AOPEP: variants seen among roughly 807,000 people sequenced by gnomAD.
AOPEP encodes aminopeptidase O (putative), also known as aminopeptidase O.
A neutral mutation model predicts 98.1 loss-of-function variants in AOPEP; 77 were observed. The ratio of observed to expected loss-of-function variants is 0.78; its 90% CI spans 0.65 to 0.95. AOPEP has a LOEUF of 0.95. Ranked by LOEUF, AOPEP falls within the 40% of genes least tolerant of loss-of-function variation. The pLI, the probability that AOPEP is intolerant of heterozygous loss-of-function variation, is 0.00. For missense variants in AOPEP, 1,024 were observed against 1,024.7 expected, an observed-to-expected ratio of 1.00 and a Z score of 0.01; for synonymous variants, 346 against 365.3, an observed-to-expected ratio of 0.95 and a Z score of 0.60.
At chr9:94,843,409 ATTGACCTTT>A (rs2042504256) in intron 5 of AOPEP, among the ~76,000 whole-genome samples, 1 of 152,120 alleles carries the variant, frequency 6.6e-6, no homozygotes, top group African/African-American at 2.4e-5. Flanking sequence ...GTGTGTGCTT[ATTGACCTTT>A]TTGTACTTTA....
chr9:95,018,227 C>T (rs1412969315), intron 13 of AOPEP, among the ~76,000 whole-genome samples: 7 of 152,216 alleles, frequency 4.6e-5, no homozygotes. Context: ...TCCAAAGTAC[C>T]TGTACCATTT....
At chr9:94,731,790 C>CTTTTTTTTTTTTTTTT (rs564831468) in intron 1 of AOPEP, among the ~76,000 whole-genome samples, 1 of 86,290 alleles carries the variant, frequency 1.2e-5, no homozygotes, top group Non-Finnish European at 2.1e-5. Flanking sequence ...TCTCTTTTGC[C>CTTTTTTTTTTTTTTTT]TTTTTTTTTT....
At chr9:94,942,516 G>T (rs888332928) in intron 7 of AOPEP, among the ~76,000 whole-genome samples, 1 of 152,178 alleles carries the variant, frequency 6.6e-6, no homozygotes, top group African/African-American at 2.4e-5. Flanking sequence ...GTTGAGGACA[G>T]AAGGAATAAG....
intron 5 of AOPEP, among the ~76,000 whole-genome samples, chr9:94,820,226 G>T (rs1000391820): frequency 3.9e-5 from 6 of 152,108 alleles, no homozygotes; most frequent in African/African-American, 1.4e-4. Context: ...GATTACAGGT[G>T]TGAGCCACCG....
At chr9:94,897,052 A>G (rs1008627717) in intron 5 of AOPEP, among the ~76,000 whole-genome samples, 1 of 152,008 alleles carries the variant, frequency 6.6e-6, no homozygotes, top group Non-Finnish European at 1.5e-5. Flanking sequence ...TTCCCTGGTC[A>G]TGTACATGTA....
intron 1 of AOPEP, among the ~76,000 whole-genome samples, chr9:94,747,326 C>A (rs1157735567): frequency 6.6e-6 from 1 of 152,090 alleles, no homozygotes; most frequent in Non-Finnish European, 1.5e-5. Flanking sequence ...ATTATGTTAT[C>A]TTGCATTATT....
rs533199505 is a variant in AOPEP at position 94,886,194 on chromosome 9, C to T, written c.1365-37792C>T. Among the ~76,000 whole-genome samples the T allele has an allele frequency of 1.9e-3, 282 of 150,768 alleles. 2 individuals carry two copies. The highest frequency in any genetic ancestry group is 6.5e-3 in the African/African-American group (263 of 40,180). ...GCTAGCCCAAAGGAGAAGCAGAAGC[C>T]AGGGCATCTGTCAGGTGCTGGGCAG... On this transcript the variant is annotated intron_variant, in intron 5 of 16. Transcript: ENST00000375315.
At chr9:95,001,293 G>A (rs565635779) in intron 11 of AOPEP, among the ~76,000 whole-genome samples, 45 of 152,252 alleles carry the variant, frequency 3.0e-4, no homozygotes, top group Middle Eastern at 3.4e-3. Context: ...CCTCAGCCTC[G>A]GACGTTGTCT....
intron 1 of AOPEP, among the ~76,000 whole-genome samples, chr9:94,757,249 C>T (rs892302415): frequency 1.3e-4 from 20 of 152,304 alleles, no homozygotes; most frequent in African/African-American, 4.8e-4. Context: ...AGCAGGGGGC[C>T]AGATCATCAA....
chr9:95,005,100 G>A, intron 11 of AOPEP, 58 bp from the exon 12 acceptor site: 9 of 892,230 alleles, frequency 1.0e-5, no homozygotes, highest in East Asian at 6.6e-5. Flanking sequence ...GCGGGCGCGG[G>A]GCAGGGAGGC....
intron 14 of AOPEP, among the ~76,000 whole-genome samples, chr9:95,078,202 A>G (rs911651073): frequency 6.6e-6 from 1 of 152,138 alleles, no homozygotes; most frequent in African/African-American, 2.4e-5. Flanking sequence ...TCCGTGGTGA[A>G]AGAGCCTCTT....
At chr9:94,944,632 A>G (rs2057414553) in intron 7 of AOPEP, among the ~76,000 whole-genome samples, 3 of 152,150 alleles carry the variant, frequency 2.0e-5, no homozygotes. Flanking sequence ...TGGCACGATC[A>G]TGGCTCACTG....
chr9:94,876,866 C>A (rs1008858512), intron 5 of AOPEP, among the ~76,000 whole-genome samples: 2 of 152,132 alleles, frequency 1.3e-5, no homozygotes, highest in African/African-American at 4.8e-5. Context: ...TGGTTGAATG[C>A]ATATATTGTT....
At chr9:95,098,070 T>G in the AOPEP span, among the ~76,000 whole-genome samples, 2 of 152,128 alleles carry the variant, frequency 1.3e-5, no homozygotes, top group Admixed American at 6.5e-5. Flanking sequence ...TCTTCTTCCT[T>G]GGAAAGCAAA....
intron 7 of AOPEP, among the ~76,000 whole-genome samples, chr9:94,954,555 A>G (rs895702507): frequency 2.0e-5 from 3 of 152,232 alleles, no homozygotes; most frequent in Non-Finnish European, 4.4e-5. Flanking sequence ...CATGTGGCCC[A>G]TGGATGGGCT....
At chr9:95,004,232 G>A in intron 11 of AOPEP, 1 of 456,598 alleles carries the variant, frequency 2.2e-6, no homozygotes, top group Non-Finnish European at 4.4e-6. Context: ...TGATGCGGAT[G>A]AGAAGGCCTT....
At chr9:94,970,102 C>T (rs1201044876) in intron 10 of AOPEP, among the ~76,000 whole-genome samples, 1 of 152,160 alleles carries the variant, frequency 6.6e-6, no homozygotes, top group Non-Finnish European at 1.5e-5. Flanking sequence ...TCTGTGTAAA[C>T]TTCTCTTTCA....
intron 1 of AOPEP, among the ~76,000 whole-genome samples, chr9:94,739,599 G>A (rs1352654317): frequency 6.6e-6 from 1 of 150,976 alleles, no homozygotes; most frequent in Admixed American, 6.6e-5. Flanking sequence ...AGCCGAGATC[G>A]TGCCATTGCA....
intron 10 of AOPEP, among the ~76,000 whole-genome samples, chr9:94,973,800 A>G (rs1231974728): frequency 2.0e-5 from 3 of 152,258 alleles, no homozygotes; most frequent in Non-Finnish European, 4.4e-5. Flanking sequence ...GACATGCAGA[A>G]GAGTAATTTC....
Sources: gnomAD v4.1 joint callset for allele counts (sites outside exome capture counted in the v4.1 genomes callset) on GRCh38, gnomAD v4.1.1 for gene constraint, MANE v1.5 for transcripts, NCBI Gene and HGNC (gene_info 2026-07-23, HGNC 2026-07-21) for gene names.